Variants in TNFRSF11B observed in about 807,000 individuals in gnomAD.
TNFRSF11B encodes the protein tumor necrosis factor receptor superfamily member 11B.
A neutral mutation model predicts 43.4 loss-of-function variants in TNFRSF11B; 16 were observed. The observed-to-expected ratio is 0.37, with a 90% CI of 0.25 to 0.56. The LOEUF is 0.56. Ranked by LOEUF, TNFRSF11B falls within the 20% of genes least tolerant of loss-of-function variation. The pLI, the probability that TNFRSF11B is intolerant of heterozygous loss-of-function variation, is 0.80. For missense variants in TNFRSF11B, 444 were observed against 490.1 expected (o/e 0.91, Z 0.89); for synonymous variants, 185 against 181.8 (o/e 1.02, Z -0.14).
chr8:118,946,427 T>C (rs550092266), intron 1 of TNFRSF11B, among the ~76,000 whole-genome samples: 1 of 152,234 alleles, frequency 6.6e-6, no homozygotes, highest in African/African-American at 2.4e-5. Flanking sequence ...TATTCTGTGG[T>C]AGTGAGTTCC....
Position 118,924,165 on chromosome 8 carries a change from C to T in TNFRSF11B, c.*209G>A. On this transcript the variant is annotated 3_prime_UTR_variant, in exon 5 of 5. Coordinates refer to ENST00000297350, the MANE Select transcript of TNFRSF11B (RefSeq NM_002546.4). The stretch of plus-strand genomic sequence containing the variant: ...AAAATATAGTCAGTAGATAACGATC[C>T]AGATCTGACAGTTGGATTAACCATT... 2 of 564,428 alleles carry T rather than the reference C, an allele frequency of 3.5e-6. No homozygotes were observed. The highest frequency in any genetic ancestry group is 6.3e-6 in the Non-Finnish European group (2 of 316,968). 35.0% of individuals were successfully genotyped at this position (564,428 alleles called of 1,614,324 possible).
At chr8:118,942,297 T>C (rs975585077) in intron 1 of TNFRSF11B, among the ~76,000 whole-genome samples, 1 of 139,790 alleles carries the variant, frequency 7.2e-6, no homozygotes, top group South Asian at 2.3e-4. Context: ...ATATTTAAAT[T>C]CCATTTTATT....
chr8:118,951,778 G>C lies in TNFRSF11B; in HGVS notation c.30+14C>G. 2 of 1,587,064 alleles carry C rather than the reference G, an allele frequency of 1.3e-6. No individual in the cohort carries two copies. Among genetic ancestry groups the C allele is most frequent in the African/African-American group, 2.7e-5 (2 of 74,354 alleles). Reference sequence around the variant, plus strand: ...CCAGGCGCCGGGCACCCGTCGGCTGGCCCAGGGACTTACCACGAGCGCGCA... The same window carrying C: ...CCAGGCGCCGGGCACCCGTCGGCTGCCCCAGGGACTTACCACGAGCGCGCA... On this transcript the variant is annotated intron_variant, in intron 1 of 4. Transcript: ENST00000297350.
At chr8:118,924,907 T>G in intron 4 of TNFRSF11B, 145 bp from the exon 5 acceptor site, 2 of 950,070 alleles carry the variant, frequency 2.1e-6, no homozygotes, top group Non-Finnish European at 3.2e-6. Flanking sequence ...GGGAGTTAAG[T>G]GACACCATTT....
chr8:118,936,976 A>G (rs1304101531), intron 1 of TNFRSF11B, among the ~76,000 whole-genome samples: 2 of 152,182 alleles, frequency 1.3e-5, no homozygotes, highest in Non-Finnish European at 2.9e-5. Context: ...AGAATCTGAA[A>G]GTCTTCTAAT....
chr8:118,948,035 T>A (rs1812591751), intron 1 of TNFRSF11B, among the ~76,000 whole-genome samples: 1 of 152,212 alleles, frequency 6.6e-6, no homozygotes, highest in African/African-American at 2.4e-5. Flanking sequence ...ATATATGCAC[T>A]CTGAATTTCA....
In TNFRSF11B at chr8:118,951,875, G is replaced by T. The variant is rs938930640; in HGVS notation, c.-54C>A. 2.6e-6 allele frequency: 4 copies of T among 1,515,978 alleles called. No homozygotes were observed. The African/African-American group carries it at 5.5e-5, about 21-fold the overall frequency. 93.9% of individuals were successfully genotyped at this position (1,515,978 alleles called of 1,614,324 possible). A position where few individuals can be genotyped will look rare whatever the true frequency, so the allele number is the denominator to read the frequency against. The stretch of plus-strand genomic sequence containing the variant: ...GAGGCGGCGGCTGGGCGAGCGCTCC[G>T]GTGCGTCTCCGCAGCCCGTGCGCTC... On this transcript the variant is annotated 5_prime_UTR_variant, in exon 1 of 5. Transcript: ENST00000297350.
chr8:118,933,338 A>G (rs1333614975), intron 1 of TNFRSF11B, 38 bp from the exon 2 acceptor site: 2 of 1,609,416 alleles, frequency 1.2e-6, no homozygotes, highest in East Asian at 2.2e-5. Context: ...TCATCTTAGC[A>G]TGAAAATAGG....
At chr8:118,932,836 C>T (rs1812347908) in intron 2 of TNFRSF11B, 95 bp downstream of exon 2, 1 of 1,542,468 alleles carries the variant, frequency 6.5e-7, no homozygotes, top group Non-Finnish European at 8.8e-7. Context: ...ATTTGCTATC[C>T]TATAATGTCA....
chr8:118,927,803 G>A (rs1474358807), intron 3 of TNFRSF11B, among the ~76,000 whole-genome samples: 1 of 152,112 alleles, frequency 6.6e-6, no homozygotes, highest in East Asian at 1.9e-4. Flanking sequence ...GTGAAGGTCT[G>A]AGATTAGTCT....
At chr8:118,936,042 TAA>T (rs1812402211) in intron 1 of TNFRSF11B, among the ~76,000 whole-genome samples, 1 of 152,224 alleles carries the variant, frequency 6.6e-6, no homozygotes, top group Admixed American at 6.5e-5. Context: ...AGAAGCCGTA[TAA>T]ATACAGATAT....
chr8:118,927,705 A>G (rs1348648056), intron 3 of TNFRSF11B, among the ~76,000 whole-genome samples: 1 of 152,144 alleles, frequency 6.6e-6, no homozygotes. Flanking sequence ...GTAGTACGAA[A>G]AACTGTTTGG....
intron 1 of TNFRSF11B, among the ~76,000 whole-genome samples, chr8:118,941,645 T>G (rs1478099707): frequency 6.6e-6 from 1 of 152,196 alleles, no homozygotes; most frequent in African/African-American, 2.4e-5. Flanking sequence ...TAGGTTGAAT[T>G]TGCTTATGAT....
At chr8:118,950,235 T>C (rs1233471681) in intron 1 of TNFRSF11B, among the ~76,000 whole-genome samples, 1 of 152,192 alleles carries the variant, frequency 6.6e-6, no homozygotes, top group East Asian at 1.9e-4. Context: ...AATAAAAATG[T>C]CCCCATATTA....
chr8:118,929,521 C>T (rs1812295939), intron 2 of TNFRSF11B, among the ~76,000 whole-genome samples: 1 of 152,218 alleles, frequency 6.6e-6, no homozygotes, highest in Admixed American at 6.5e-5. Flanking sequence ...CGTAAGCCTG[C>T]AGTTAAGCTA....
chr8:118,925,639 T>C (rs894626797), intron 4 of TNFRSF11B, among the ~76,000 whole-genome samples: 5 of 152,222 alleles, frequency 3.3e-5, no homozygotes, highest in African/African-American at 1.2e-4. Flanking sequence ...TTTAGGGTAG[T>C]GCAAGACTAT....
chr8:118,931,610 G>A (rs1311906691), intron 2 of TNFRSF11B, among the ~76,000 whole-genome samples: 1 of 152,090 alleles, frequency 6.6e-6, no homozygotes, highest in Non-Finnish European at 1.5e-5. Context: ...ATAGAAAGTA[G>A]GAACTATCAC....
intron 2 of TNFRSF11B, among the ~76,000 whole-genome samples, chr8:118,931,030 T>C (rs1812321099): frequency 6.6e-6 from 1 of 152,156 alleles, no homozygotes. Context: ...CCAGGCAAAA[T>C]GTGAAATTAT....
chr8:118,928,981 C>A lies in TNFRSF11B; in HGVS notation c.401-52G>T, dbSNP rs1172629210. 15 of 1,545,144 alleles carry A rather than the reference C, an allele frequency of 9.7e-6. No homozygotes were observed. The South Asian group carries it at 1.7e-4, about 17-fold the overall frequency. On this transcript the variant is annotated intron_variant, in intron 2 of 4. Transcript: ENST00000297350. The stretch of plus-strand genomic sequence containing the variant: ...ACCTTCTCCTCAAATCGTTTCCCAG[C>A]AGATGCCCTCTTAACACAGTTTTGG...
Sources: allele counts gnomAD v4.1 joint callset (sites outside exome capture counted in the v4.1 genomes callset), GRCh38; gene constraint gnomAD v4.1.1; transcripts MANE v1.5; gene names NCBI Gene and HGNC (gene_info 2026-07-23, HGNC 2026-07-21).